Variants in VPS13A observed in about 807,000 individuals in gnomAD.
VPS13A encodes the protein vacuolar protein sorting 13 homolog A.
In VPS13A, 264 loss-of-function variants were observed where a neutral mutation model predicts 390.9. That is an observed-to-expected ratio of 0.68 (90% CI 0.61 to 0.75). VPS13A has a LOEUF of 0.75. Among genes scored for constraint, VPS13A ranks in the 30% least tolerant of loss-of-function variants. The pLI, the probability that VPS13A is intolerant of heterozygous loss-of-function variation, is 0.00. For synonymous variants in VPS13A, 1,231 were observed against 1,227.1 expected, an observed-to-expected ratio of 1.00 and a Z score of -0.07; for missense variants, 3,409 against 3,733.9, an observed-to-expected ratio of 0.91 and a Z score of 2.27.
chr9:77,382,225 C>A (rs867395793), intron 68 of VPS13A, 138 bp downstream of exon 68: 1 of 1,389,106 alleles, frequency 7.2e-7, no homozygotes, highest in Non-Finnish European at 9.5e-7. Flanking sequence ...CTTATATTTA[C>A]TTAGATTTTA....
At position 77,227,402 on chromosome 9, in the gene VPS13A, A is replaced by T. The variant is rs1823577527; in HGVS notation, c.1369A>T (p.Met457Leu). The change falls in exon 16 of 72, where the codon ATG (methionine) becomes TTG (leucine). Residue 457 changes from methionine (M) to leucine (L), a missense_variant. Met to Leu is a conservative substitution (Grantham distance 15). Coordinates refer to ENST00000360280, the MANE Select transcript of VPS13A (RefSeq NM_033305.3). ...TTTCTGATTTGTAGCTCTTGAAGAA[A>T]TGTTGACACCTGAAGAAAAAGCTTT... ...PDVQPETLEE[M>L]LTPEEKALLY... The T allele has an allele frequency of 2.5e-6, 4 of 1,612,956 alleles. No homozygotes were observed. Among genetic ancestry groups the T allele is most frequent in the Non-Finnish European group, 8.5e-7 (1 of 1,179,290 alleles).
intron 22 of VPS13A, among the ~76,000 whole-genome samples, chr9:77,254,030 C>A (rs1480742939): frequency 2.0e-5 from 3 of 149,038 alleles, no homozygotes; most frequent in African/African-American, 5.0e-5. Flanking sequence ...GCAGGCTCCG[C>A]CCCCCAGGGT....
At chr9:77,223,687 C>T (rs1823349730) in intron 13 of VPS13A, among the ~76,000 whole-genome samples, 1 of 150,134 alleles carries the variant, frequency 6.7e-6, no homozygotes, top group East Asian at 2.0e-4. Context: ...GAGATTGGTT[C>T]TTGAAGTTTA....
rs1268030600 is a variant in VPS13A, at chr9:77,260,868, T to C, written c.2427+644T>C. ...ACAAGAACATGCATGTGTGTGTGTA[T>C]GTAGTATGTGTGTGTATACATACAT... On this transcript the variant is annotated intron_variant, in intron 23 of 71. Transcript: ENST00000360280. 3.3e-5 allele frequency among the ~76,000 whole-genome samples: 5 copies of C among 152,088 alleles called. No individual in the cohort carries two copies. The East Asian group carries it at 9.6e-4, about 29-fold the overall frequency.
intron 68 of VPS13A, among the ~76,000 whole-genome samples, chr9:77,391,019 G>C (rs779621751): frequency 6.6e-6 from 1 of 152,062 alleles, no homozygotes; most frequent in Admixed American, 6.6e-5. Context: ...GTTAAGCCCA[G>C]GTACGTTCAA....
Position 77,419,357 on chromosome 9 carries a change from T to C in VPS13A, c.*3351T>C, listed in dbSNP as rs1267055197. 3 of 152,238 alleles carry C rather than the reference T, an allele frequency of 2.0e-5. No individual in the cohort carries two copies. The highest frequency in any genetic ancestry group is 4.4e-5 in the Non-Finnish European group (3 of 68,040). The allele number at this position is 152,238 out of a possible 1,614,324, so 9.4% of individuals were successfully genotyped here. ...GAAATACTGTTTCAGCTAAATATTC[T>C]ATTTACTGTGTATACTGGGTCACAA... On this transcript the variant is annotated 3_prime_UTR_variant, in exon 72 of 72. Coordinates refer to ENST00000360280, the MANE Select transcript of VPS13A (RefSeq NM_033305.3).
intron 46 of VPS13A, among the ~76,000 whole-genome samples, chr9:77,334,302 T>C (rs903238391): frequency 6.6e-6 from 1 of 152,316 alleles, no homozygotes; most frequent in South Asian, 2.1e-4. Context: ...TTTATCTCCA[T>C]CTATTAGTTT....
chr9:77,308,137 TTCTC>T (rs751256722), intron 35 of VPS13A, 39 bp downstream of exon 35: 24 of 1,605,340 alleles, frequency 1.5e-5, no homozygotes, highest in African/African-American at 1.1e-4. Context: ...GCTTTCCTCT[TTCTC>T]TCTTTTTTCT....
chr9:77,230,884 T>C (rs1187097332), intron 17 of VPS13A, among the ~76,000 whole-genome samples: 1 of 152,156 alleles, frequency 6.6e-6, no homozygotes, highest in Non-Finnish European at 1.5e-5. Context: ...TCCATGCACA[T>C]TGGATATCTT....
chr9:77,371,747 G>A (rs898171927), intron 67 of VPS13A, among the ~76,000 whole-genome samples: 7 of 148,762 alleles, frequency 4.7e-5, no homozygotes, highest in Non-Finnish European at 7.4e-5. Flanking sequence ...ATGCTGGTGC[G>A]CTGCACCCAC....
intron 10 of VPS13A, among the ~76,000 whole-genome samples, chr9:77,218,727 C>T (rs1398784400): frequency 6.7e-6 from 1 of 148,238 alleles, no homozygotes; most frequent in Non-Finnish European, 1.5e-5. Flanking sequence ...CTGACACATT[C>T]CTCTTTGTTT....
intron 53 of VPS13A, among the ~76,000 whole-genome samples, chr9:77,353,188 G>GTAATTGTT (rs1831565718): frequency 6.6e-6 from 1 of 151,958 alleles, no homozygotes; most frequent in Non-Finnish European, 1.5e-5. Context: ...CAATTGGCCT[G>GTAATTGTT]TCTTTATGAG....
intron 67 of VPS13A, among the ~76,000 whole-genome samples, chr9:77,378,648 A>C (rs1833246540): frequency 6.6e-6 from 1 of 151,790 alleles, no homozygotes; most frequent in Admixed American, 6.6e-5. Flanking sequence ...TCAAAGAACC[A>C]GTTTTTAGTT....
chr9:77,213,823 GCTC>G (rs1340543817), intron 9 of VPS13A, among the ~76,000 whole-genome samples: 1 of 151,406 alleles, frequency 6.6e-6, no homozygotes, highest in African/African-American at 2.4e-5. Context: ...AATCTAAATA[GCTC>G]CTAGAACATT....
intron 1 of VPS13A, among the ~76,000 whole-genome samples, chr9:77,179,385 C>T (rs1265512434): frequency 1.3e-5 from 2 of 152,154 alleles, no homozygotes; most frequent in African/African-American, 2.4e-5. Context: ...GATCTCACCC[C>T]GCCACCACGC....
At chr9:77,351,904 C>T (rs1831496493) in intron 53 of VPS13A, among the ~76,000 whole-genome samples, 1 of 152,066 alleles carries the variant, frequency 6.6e-6, no homozygotes, top group African/African-American at 2.4e-5. Context: ...ATTTGATTTT[C>T]AGCCTTCCTA....
rs1293815004 is a variant in VPS13A, at chr9:77,321,687, A to C, written c.5771A>C (p.Asp1924Ala). The C allele has an allele frequency of 1.2e-6, 2 of 1,613,358 alleles. No individual in the cohort carries two copies. The highest frequency in any genetic ancestry group is 2.2e-5 in the South Asian group (2 of 91,056). The change falls in exon 44 of 72, where the codon GAC becomes GCC. Residue 1924 changes from aspartate to alanine, a missense_variant. Physicochemically the swap from Asp to Ala is moderately radical, Grantham distance 126 (BLOSUM62 -2). Around this residue, in one of 5 missense-constraint regions of VPS13A, gnomAD observed 2,717 missense variants for 2,917.4 expected, o/e 0.93. Transcript: ENST00000360280. ...AGTATGGATTATATCCGAACCAAGG[A>C]CAATGATCATTTCAATGCAATGACC... ...SLSMDYIRTKDNDHFNAMTSL... is the reference protein window; with the variant it reads ...SLSMDYIRTKANDHFNAMTSL...
chr9:77,289,873 G>A (rs906947541), intron 31 of VPS13A, among the ~76,000 whole-genome samples: 3 of 150,728 alleles, frequency 2.0e-5, no homozygotes, highest in African/African-American at 7.3e-5. Context: ...CTCTGCCTCC[G>A]GGGTTCAAGT....
At chr9:77,206,217 T>C in intron 5 of VPS13A, 138 bp downstream of exon 5, 1 of 699,242 alleles carries the variant, frequency 1.4e-6, no homozygotes, top group Non-Finnish European at 2.4e-6. Context: ...CATGGGGAAT[T>C]TTAATGTGGT....
Sources: gnomAD v4.1 joint callset for allele counts (sites outside exome capture counted in the v4.1 genomes callset) on GRCh38, gnomAD v4.1.1 for gene constraint, gnomAD v4.1.1 regional missense constraint, MANE v1.5 for transcripts, NCBI Gene and HGNC (gene_info 2026-07-23, HGNC 2026-07-21) for gene names.